MTUS2: variants seen among roughly 807,000 people sequenced by gnomAD.
MTUS2 encodes the protein microtubule associated scaffold protein 2.
In MTUS2, 40 loss-of-function variants were observed where a neutral mutation model predicts 114.1. That is an observed-to-expected ratio of 0.35 (90% confidence interval 0.27 to 0.46). MTUS2 has a LOEUF of 0.46. Among genes scored for constraint, MTUS2 ranks in the 20% least tolerant of loss-of-function variants. The pLI, the probability that MTUS2 is intolerant of heterozygous loss-of-function variation, is 1.00. For synonymous variants in MTUS2, 688 were observed against 672.0 expected (o/e 1.02, Z -0.37); for missense variants, 1,679 against 1,705.4 (o/e 0.98, Z 0.27).
At chr13:29,307,597 C>A in intron 6 of MTUS2, 1 of 1,181,642 alleles carries the variant, frequency 8.5e-7, no homozygotes, top group Non-Finnish European at 1.3e-6. Flanking sequence ...CAAGGGCATC[C>A]TGGGCTACAC....
At chr13:29,079,474 A>C (rs143565276) in intron 4 of MTUS2, among the ~76,000 whole-genome samples, 20 of 152,312 alleles carry the variant, frequency 1.3e-4, no homozygotes, top group African/African-American at 4.8e-4. Context: ...TGTCATAGCT[A>C]AGAAACCATT....
In MTUS2 at chr13:29,469,552, G is replaced by A. The variant is rs1456343419; in HGVS notation, c.3185-10598G>A. 2.6e-5 allele frequency among the ~76,000 whole-genome samples: 4 copies of A among 151,934 alleles called. No individual in the cohort carries two copies. In the South Asian group the frequency reaches 6.3e-4, roughly 24 times the overall value. ...TGAGGCAGGAGAATGGCGTGAACCTGGGAGGCAGAAGTTGCAGTGAGCCAA... is the reference window on the plus strand; with the variant it reads ...TGAGGCAGGAGAATGGCGTGAACCTAGGAGGCAGAAGTTGCAGTGAGCCAA... On this transcript the variant is annotated intron_variant, in intron 9 of 15. Coordinates refer to ENST00000612955, the MANE Select transcript of MTUS2 (RefSeq NM_001033602.4).
chr13:28,970,497 C>T (rs1883803896), intron 2 of MTUS2, among the ~76,000 whole-genome samples: 1 of 152,198 alleles, frequency 6.6e-6, no homozygotes, highest in African/African-American at 2.4e-5. Flanking sequence ...AGTTTAGTTA[C>T]AACAGGGACT....
chr13:28,900,840 G>A (rs138554440), intron 2 of MTUS2, among the ~76,000 whole-genome samples: 8 of 152,282 alleles, frequency 5.3e-5, no homozygotes, highest in African/African-American at 1.2e-4. Flanking sequence ...TCAATTCAGC[G>A]CTTAACATTC....
At chr13:29,092,684 G>T (rs1386203114) in intron 4 of MTUS2, among the ~76,000 whole-genome samples, 1 of 152,108 alleles carries the variant, frequency 6.6e-6, no homozygotes, top group Non-Finnish European at 1.5e-5. Flanking sequence ...AGTGGATGGG[G>T]CACCTTCTGC....
intron 6 of MTUS2, among the ~76,000 whole-genome samples, chr13:29,323,322 T>C (rs1459235324): frequency 1.3e-5 from 2 of 151,848 alleles, no homozygotes; most frequent in East Asian, 3.9e-4. Flanking sequence ...TGATCTCGGC[T>C]CACTGCAAGC....
intron 5 of MTUS2, among the ~76,000 whole-genome samples, chr13:29,196,600 A>C (rs1051631718): frequency 6.6e-6 from 1 of 152,100 alleles, no homozygotes; most frequent in African/African-American, 2.4e-5. Flanking sequence ...AACCTTTTAC[A>C]CATGAAACAC....
chr13:29,477,240 G>A (rs998663420), intron 9 of MTUS2, among the ~76,000 whole-genome samples: 9 of 152,202 alleles, frequency 5.9e-5, no homozygotes, highest in South Asian at 2.1e-4. Flanking sequence ...GTCAATCACC[G>A]TTTTTTAATT....
intron 8 of MTUS2, among the ~76,000 whole-genome samples, chr13:29,407,478 ATTTATTTATTT>A (rs768283038): frequency 1.1e-4 from 15 of 138,356 alleles, no homozygotes; most frequent in African/African-American, 2.4e-4. Context: ...TTATTTATTT[ATTTATTTATTT>A]ATTTTGAGAT....
intron 8 of MTUS2, among the ~76,000 whole-genome samples, chr13:29,362,798 G>A (rs934013346): frequency 2.0e-5 from 3 of 152,152 alleles, no homozygotes; most frequent in African/African-American, 7.2e-5. Context: ...ATATGTGTTG[G>A]AAGTAAGCCT....
chr13:28,960,329 CA>C (rs1442719803), intron 2 of MTUS2, among the ~76,000 whole-genome samples: 1 of 152,070 alleles, frequency 6.6e-6, no homozygotes, highest in African/African-American at 2.4e-5. Context: ...GGTGGTTCTT[CA>C]AAAAGTTAGA....
intron 5 of MTUS2, among the ~76,000 whole-genome samples, chr13:29,131,817 A>G (rs953245225): frequency 2.0e-5 from 3 of 152,228 alleles, no homozygotes; most frequent in Non-Finnish European, 4.4e-5. Flanking sequence ...GGAAAACACC[A>G]GTTTGTTCCC....
chr13:29,417,267 G>A (rs1321844669), intron 8 of MTUS2, among the ~76,000 whole-genome samples: 1 of 152,152 alleles, frequency 6.6e-6, no homozygotes, highest in Non-Finnish European at 1.5e-5. Flanking sequence ...CTTACCATGG[G>A]GAGGGCTTCA....
At chr13:29,012,831 ACCACTGCATT>A (rs200341742) in intron 2 of MTUS2, among the ~76,000 whole-genome samples, 2,253 of 152,132 alleles carry the variant, frequency 0.015, 18 homozygotes, top group Non-Finnish European at 0.024. Flanking sequence ...CCGAGATCGC[ACCACTGCATT>A]CCAGCCTGGG....
chr13:29,063,776 A>G (rs189468724), intron 4 of MTUS2, among the ~76,000 whole-genome samples: 3 of 152,364 alleles, frequency 2.0e-5, no homozygotes, highest in African/African-American at 4.8e-5. Context: ...TATTTCTGGT[A>G]TAAGAATTCT....
At chr13:29,216,902 C>T (rs1301739779) in intron 5 of MTUS2, among the ~76,000 whole-genome samples, 3 of 152,206 alleles carry the variant, frequency 2.0e-5, no homozygotes, top group Non-Finnish European at 1.5e-5. Flanking sequence ...TTCCCACACC[C>T]TCCCTAATAC....
rs182745170 is a variant in MTUS2 at position 29,430,794 on chromosome 13, G to T, written c.3118-9189G>T. Among the ~76,000 whole-genome samples the T allele has an allele frequency of 5.3e-5, 8 of 152,256 alleles. No homozygotes were observed. The East Asian group carries it at 1.5e-3, about 29-fold the overall frequency. On this transcript the variant is annotated intron_variant, in intron 8 of 15. Transcript: ENST00000612955. ...TATTGGGCCAGGTATTGTATACTAGGAGCATGATAGGATTCCATTCCAACT... is the reference window on the plus strand; with the variant it reads ...TATTGGGCCAGGTATTGTATACTAGTAGCATGATAGGATTCCATTCCAACT...
At chr13:28,871,182 T>C (rs989647316) in intron 2 of MTUS2, among the ~76,000 whole-genome samples, 3 of 152,214 alleles carry the variant, frequency 2.0e-5, no homozygotes, top group Non-Finnish European at 4.4e-5. Flanking sequence ...TTAATTTTTA[T>C]AATTATTAAA....
At chr13:29,460,006 C>G (rs1879371906) in intron 9 of MTUS2, among the ~76,000 whole-genome samples, 1 of 152,188 alleles carries the variant, frequency 6.6e-6, no homozygotes, top group African/African-American at 2.4e-5. Flanking sequence ...TCCGCAGATG[C>G]TTGCAGACCA....
Sources: gnomAD v4.1 joint callset for allele counts (sites outside exome capture counted in the v4.1 genomes callset) on GRCh38, gnomAD v4.1.1 for gene constraint, MANE v1.5 for transcripts, NCBI Gene and HGNC (gene_info 2026-07-23, HGNC 2026-07-21) for gene names.